Variants in CHD5 observed in about 807,000 individuals in gnomAD.
The protein encoded by CHD5 is ATP-dependent chromatin remodeler CHD5.
CHD5 carries 69 observed loss-of-function variants against 230.3 expected under a neutral mutation model. The ratio of observed to expected loss-of-function variants is 0.30; its 90% confidence interval spans 0.25 to 0.37. The LOEUF (loss-of-function observed/expected upper bound fraction) is 0.37, where lower values mean the gene tolerates loss of function less well. Ranked by LOEUF, CHD5 falls within the 10% of genes least tolerant of loss-of-function variation. The pLI, the probability that CHD5 is intolerant of heterozygous loss-of-function variation, is 1.00. For synonymous variants in CHD5, 1,064 were observed against 1,065.9 expected (o/e 1.00, Z 0.03); for missense variants, 1,827 against 2,622.8 (o/e 0.70, Z 6.63).
Position 6,142,894 on chromosome 1 carries a change from T to C in CHD5, c.2044-289A>G, listed in dbSNP as rs1344812440. ...ATTCTCTGACTCTGAGCCCAGGTTGTCATCACCACCTTGGTCCTGTTCACT... is the reference window on the plus strand; with the variant it reads ...ATTCTCTGACTCTGAGCCCAGGTTGCCATCACCACCTTGGTCCTGTTCACT... On this transcript the variant is annotated intron_variant, in intron 13 of 41. Transcript: ENST00000262450. The surrounding 1 kb of genome is among the most constrained non-coding windows in gnomAD (Gnocchi z 5.2). Among the ~76,000 whole-genome samples, 1 of 152,154 alleles carries C rather than the reference T, an allele frequency of 6.6e-6. No homozygotes were observed. The highest frequency in any genetic ancestry group is 2.4e-5 in the African/African-American group (1 of 41,440).
In CHD5 at chr1:6,155,740, T is replaced by G. The variant is rs546044277; in HGVS notation, c.388-23A>C. On this transcript the variant is annotated intron_variant, in intron 3 of 41. Coordinates refer to ENST00000262450, the MANE Select transcript of CHD5 (RefSeq NM_015557.3). This position sits in a 1 kb window ranked among gnomAD's most constrained non-coding sequence, Gnocchi z 4.0. ...CTCCTACAGAGACCCAGGCCAGAGG[T>G]AGAGTTGTTGAGGGGCCTTCTGACC... is the stretch of plus-strand genomic sequence containing the variant. 7 of 1,598,998 alleles carry G rather than the reference T, an allele frequency of 4.4e-6. No homozygotes were observed. Among genetic ancestry groups the G allele is most frequent in the Non-Finnish European group, 6.0e-6 (7 of 1,167,230 alleles).
At chr1:6,118,378 C>CAAAAAAA (rs60950909) in intron 33 of CHD5, among the ~76,000 whole-genome samples, 1 of 79,196 alleles carries the variant, frequency 1.3e-5, no homozygotes, top group Admixed American at 1.3e-4. Flanking sequence ...GACCCTGTCT[C>CAAAAAAA]AAAAAAAAAA....
At position 6,102,163 on chromosome 1, in the gene CHD5, G is replaced by T; in HGVS notation, c.*3311C>A. On this transcript the variant is annotated 3_prime_UTR_variant, in exon 42 of 42. Coordinates refer to ENST00000262450, the MANE Select transcript of CHD5 (RefSeq NM_015557.3). ...TCCCTTCCTCTCCAGGGGTGCTTGG[G>T]CTCCAATCGCTGCTTGAGGAGTTCA... The T allele has an allele frequency of 3.8e-6, 1 of 264,180 alleles. No individual in the cohort carries two copies. 16.4% of individuals were successfully genotyped at this position (264,180 alleles called of 1,614,324 possible). A position where few individuals can be genotyped will look rare whatever the true frequency, so the allele number is the denominator to read the frequency against.
At position 6,124,045 on chromosome 1, in the gene CHD5, G is replaced by C; in HGVS notation, c.4602C>G (p.Pro1534=). ...TCACCTCGCCCGACTTCTTCCCCTC[G>C]GGCCCCTCAGGGATCAAGTCTGGGG... ...YSTPDLIPEG[P]EGKKSGEVIS... The change falls in exon 31 of 42, where the codon CCC becomes CCG. Residue 1534 remains proline (P), a synonymous_variant. Transcript: ENST00000262450. 1 of 1,613,042 alleles carries C rather than the reference G, an allele frequency of 6.2e-7. No individual in the cohort carries two copies. The highest frequency in any genetic ancestry group is 8.5e-7 in the Non-Finnish European group (1 of 1,179,620).
In CHD5 at chr1:6,146,348, A is replaced by G. The variant is rs1165591709; in HGVS notation, c.1666T>C (p.Tyr556His). 3 of 1,614,000 alleles carry G rather than the reference A, an allele frequency of 1.9e-6. No individual in the cohort carries two copies. In the African/African-American group the frequency reaches 4.0e-5, roughly 22 times the overall value. Residue 556 changes from tyrosine to histidine, a missense_variant, in exon 11 of 42, where the codon TAC (tyrosine) becomes CAC (histidine). Around this residue, in one of 14 missense-constraint regions of CHD5, gnomAD observed 657 missense variants for 816.4 expected, o/e 0.80. Transcript: ENST00000262450. The surrounding 1 kb of genome is among the most constrained non-coding windows in gnomAD (Gnocchi z 5.1). ...NDMDEPPPFD[Y>H]GSGDEDGKSE... Reference sequence around the variant, plus strand: ...TTGCCGTCTTCATCCCCAGAGCCGTAGTCAAAGGGGGGCGGCTCATCCATG... The same window carrying G: ...TTGCCGTCTTCATCCCCAGAGCCGTGGTCAAAGGGGGGCGGCTCATCCATG...
Position 6,128,639 on chromosome 1 carries a change from C to G in CHD5, c.3620-30G>C. 1 of 1,568,596 alleles carries G rather than the reference C, an allele frequency of 6.4e-7. No homozygotes were observed. Among genetic ancestry groups the G allele is most frequent in the Non-Finnish European group, 8.8e-7 (1 of 1,140,370 alleles). ...CAGACAGAGAAGGAAAGCACTGGTG[C>G]AGGACCACAGAGGGCTGCAGGGTTG... On this transcript the variant is annotated intron_variant, in intron 23 of 41. Coordinates refer to ENST00000262450, the MANE Select transcript of CHD5 (RefSeq NM_015557.3). The surrounding 1 kb of genome is among the most constrained non-coding windows in gnomAD (Gnocchi z 7.8).
At chr1:6,116,617 C>A (rs1463796243) in intron 33 of CHD5, among the ~76,000 whole-genome samples, 1 of 152,206 alleles carries the variant, frequency 6.6e-6, no homozygotes, top group Non-Finnish European at 1.5e-5. Flanking sequence ...GCCTTCTCAG[C>A]TTCTCAGCAG....
intron 2 of CHD5, among the ~76,000 whole-genome samples, chr1:6,159,925 G>A (rs957883521): frequency 6.6e-6 from 1 of 152,282 alleles, no homozygotes; most frequent in Non-Finnish European, 1.5e-5. Context: ...ATGAGGCATG[G>A]ACCCAGGAGC....
chr1:6,166,471 A>C (rs1667256670), intron 2 of CHD5, among the ~76,000 whole-genome samples: 1 of 151,954 alleles, frequency 6.6e-6, no homozygotes. Context: ...CGCCCCCAGC[A>C]AAGAGCACCG....
chr1:6,169,744 G>T (rs915097762), intron 1 of CHD5, among the ~76,000 whole-genome samples: 1 of 152,158 alleles, frequency 6.6e-6, no homozygotes, highest in Non-Finnish European at 1.5e-5. Context: ...AAGGGCCCAC[G>T]AGAGAGCCGG....
Position 6,146,406 on chromosome 1 carries a change from C to T in CHD5, c.1608G>A (p.Thr536=), listed in dbSNP as rs777511901. The T allele has an allele frequency of 6.2e-6, 10 of 1,613,844 alleles. No homozygotes were observed. The highest frequency in any genetic ancestry group is 4.5e-5 in the East Asian group (2 of 44,896). ...TTCTTTGGTAGTTGCGATACATCAC[C>T]GTGTGGTACAGCTCCAGCTGCTCAT... ...VKELQLELYH[T]VMYRNYQRKN... The change falls in exon 11 of 42, where the codon ACG becomes ACA. Residue 536 remains threonine, a synonymous_variant. Coordinates refer to ENST00000262450, the MANE Select transcript of CHD5 (RefSeq NM_015557.3). The surrounding 1 kb of genome is among the most constrained non-coding windows in gnomAD (Gnocchi z 5.1).
chr1:6,133,382 A>G (rs1666688529), intron 20 of CHD5, among the ~76,000 whole-genome samples: 1 of 152,242 alleles, frequency 6.6e-6, no homozygotes, highest in African/African-American at 2.4e-5. Flanking sequence ...GCAGCCCAGC[A>G]GGGTGACCTG....
chr1:6,168,836 C>G (rs774268299), intron 1 of CHD5, among the ~76,000 whole-genome samples: 3 of 151,912 alleles, frequency 2.0e-5, no homozygotes, highest in Admixed American at 1.3e-4. Context: ...CTGGCCAACA[C>G]GATGAAACCC....
rs1174697815 is a variant in CHD5 at position 6,112,944 on chromosome 1, A to G, written c.4967T>C (p.Ile1656Thr). Reference sequence around the variant, plus strand: ...TTCGGAACTGTCCCCTCTGCTGTGGATCAAGCTCAGCTCCAGCTTGTCCAG... The same window carrying G: ...TTCGGAACTGTCCCCTCTGCTGTGGGTCAAGCTCAGCTCCAGCTTGTCCAG... ...KILDKLELSLIHSRGDSSELR... is the reference protein window; with the variant it reads ...KILDKLELSLTHSRGDSSELR... The change falls in exon 34 of 42, where the codon ATC (isoleucine) becomes ACC (threonine). Residue 1656 changes from isoleucine to threonine, a missense_variant. Around this residue, in one of 14 missense-constraint regions of CHD5, gnomAD observed 272 missense variants for 263.2 expected, o/e 1.03. Transcript: ENST00000262450. 1 of 1,614,046 alleles carries G rather than the reference A, an allele frequency of 6.2e-7. No individual in the cohort carries two copies. The highest frequency in any genetic ancestry group is 2.2e-5 in the East Asian group (1 of 44,880).
At chr1:6,110,594 C>G in intron 36 of CHD5, 68 bp from the exon 37 acceptor site, 2 of 1,453,546 alleles carry the variant, frequency 1.4e-6, no homozygotes, top group Non-Finnish European at 1.8e-6. Flanking sequence ...GGAGGCAGCT[C>G]AGGGAGGGGG....
In CHD5 at chr1:6,168,230, C is replaced by G. The variant is rs571052710; in HGVS notation, c.127G>C (p.Glu43Gln). The part of the protein sequence containing the change: ...LEAFDDFFPV[E>Q]PVSLPKKKKP... ...TTCTTCTTAGGAAGGCTCACGGGCT[C>G]CACAGGGAAAAAGTCATCGAAGGCT... is the stretch of plus-strand genomic sequence containing the variant. The change falls in exon 2 of 42, where the codon GAG becomes CAG. Residue 43 changes from glutamate (E) to glutamine (Q), a missense_variant. Glu to Gln is a conservative substitution (Grantham distance 29). Transcript: ENST00000262450. 113 of 1,611,354 alleles carry G rather than the reference C, an allele frequency of 7.0e-5. 1 individual carries two copies. The East Asian group carries it at 2.1e-3, about 30-fold the overall frequency.
At chr1:6,111,048 G>A (rs1323347112) in intron 36 of CHD5, among the ~76,000 whole-genome samples, 5 of 151,874 alleles carry the variant, frequency 3.3e-5, no homozygotes, top group Non-Finnish European at 7.4e-5. Flanking sequence ...TGGCCAACAA[G>A]GCGAAACCCC....
rs572479297 is a variant in CHD5, at chr1:6,126,334, G to A, written c.4078+238C>T. 2.0e-3 allele frequency among the ~76,000 whole-genome samples: 282 copies of A among 138,668 alleles called. 1 individual carries two copies. Among genetic ancestry groups the A allele is most frequent in the African/African-American group, 7.5e-3 (270 of 36,224 alleles). 91.0% of individuals were successfully genotyped at this position (138,668 alleles called of 152,430 possible). A position where few individuals can be genotyped will look rare whatever the true frequency, so the allele number is the denominator to read the frequency against. Reference sequence around the variant, plus strand: ...GGGTATGGGACACCCATCCCTCCTGGCACACTCGCCCAGCTCTCCCGGCCC... The same window carrying A: ...GGGTATGGGACACCCATCCCTCCTGACACACTCGCCCAGCTCTCCCGGCCC... On this transcript the variant is annotated intron_variant, in intron 26 of 41. Transcript: ENST00000262450. This position sits in a 1 kb window ranked among gnomAD's most constrained non-coding sequence, Gnocchi z 5.7.
chr1:6,124,572 AGGCCCTCCCGGGGCAC>A lies in CHD5; in HGVS notation c.4468_4483del (p.Val1490SerfsTer7), dbSNP rs1361620906. On this transcript the variant is annotated frameshift_variant, in exon 30 of 42. Coordinates refer to ENST00000262450, the MANE Select transcript of CHD5 (RefSeq NM_015557.3). LOFTEE classifies it high-confidence loss of function. ...GCGGGTCAGCACGTGCTGCCTGGAG[AGGCCCTCCCGGGGCAC>A]GCCGTCTGCGAAGGTCTCTGCACCA... 1 of 1,610,476 alleles carries A rather than the reference AGGCCCTCCCGGGGCAC, an allele frequency of 6.2e-7. No homozygotes were observed. Among genetic ancestry groups the A allele is most frequent in the Non-Finnish European group, 8.5e-7 (1 of 1,178,988 alleles).
Sources: allele counts gnomAD v4.1 joint callset (sites outside exome capture counted in the v4.1 genomes callset), GRCh38; gene constraint gnomAD v4.1.1; regional missense constraint gnomAD v4.1.1; non-coding constraint Gnocchi (gnomAD v3.1); transcripts MANE v1.5; gene names NCBI Gene and HGNC (gene_info 2026-07-23, HGNC 2026-07-21).